Variants in NOL4 observed in about 807,000 individuals in gnomAD.
The protein encoded by NOL4 is cancer/testis antigen 125.
NOL4 carries 17 observed loss-of-function variants against 75.9 expected under a neutral mutation model. The observed-to-expected ratio is 0.22, with a 90% CI of 0.15 to 0.34. The LOEUF (loss-of-function observed/expected upper bound fraction) is 0.34, where lower values mean the gene tolerates loss of function less well. NOL4 is among the 10% of genes least tolerant of loss of function. The pLI is 1.00. For synonymous variants in NOL4, 292 were observed against 289.9 expected, an observed-to-expected ratio of 1.01 and a Z score of -0.07; for missense variants, 614 against 793.5, an observed-to-expected ratio of 0.77 and a Z score of 2.72.
At chr18:34,019,026 A>G (rs927453052) in intron 6 of NOL4, among the ~76,000 whole-genome samples, 2 of 152,146 alleles carry the variant, frequency 1.3e-5, no homozygotes, top group African/African-American at 2.4e-5. Context: ...AGCTCAACAA[A>G]TTCCCAGAGA....
At chr18:34,195,862 G>A (rs561571544) in intron 1 of NOL4, among the ~76,000 whole-genome samples, 4 of 152,216 alleles carry the variant, frequency 2.6e-5, no homozygotes, top group South Asian at 2.1e-4. Context: ...TAGCATTAAT[G>A]TATAGATGGA....
At chr18:33,862,067 C>T (rs1337167741) in intron 10 of NOL4, among the ~76,000 whole-genome samples, 2 of 152,224 alleles carry the variant, frequency 1.3e-5, no homozygotes, top group East Asian at 3.9e-4. Context: ...GGTACCAAAA[C>T]AGAGATATAG....
At chr18:33,938,894 G>A (rs997960282) in intron 9 of NOL4, among the ~76,000 whole-genome samples, 2 of 152,060 alleles carry the variant, frequency 1.3e-5, no homozygotes, top group Non-Finnish European at 1.5e-5. Flanking sequence ...TTCTTCTAGG[G>A]TTTTTATGGT....
chr18:33,969,758 C>CAAAAA (rs5823932), intron 6 of NOL4, among the ~76,000 whole-genome samples: 2 of 140,914 alleles, frequency 1.4e-5, no homozygotes, highest in South Asian at 2.3e-4. Context: ...AGTGCTTGTC[C>CAAAAA]AAAAAAAAAA....
chr18:34,146,173 A>G (rs1005026314), intron 1 of NOL4, among the ~76,000 whole-genome samples: 2 of 151,982 alleles, frequency 1.3e-5, no homozygotes, highest in African/African-American at 4.8e-5. Context: ...TAATTTTCAA[A>G]TTTGAGGTAC....
intron 1 of NOL4, among the ~76,000 whole-genome samples, chr18:34,176,513 T>C (rs1043755603): frequency 2.6e-5 from 4 of 152,040 alleles, no homozygotes; most frequent in African/African-American, 9.7e-5. Context: ...TGGACTGAAT[T>C]GTGTTCCCCT....
chr18:33,969,758 CAA>C (rs5823932), intron 6 of NOL4, among the ~76,000 whole-genome samples: 14 of 140,872 alleles, frequency 9.9e-5, no homozygotes, highest in Admixed American at 1.4e-4. Flanking sequence ...AGTGCTTGTC[CAA>C]AAAAAAAAAA....
chr18:33,857,262 AGTCTGTG>A (rs1232901500), intron 10 of NOL4, among the ~76,000 whole-genome samples: 1 of 152,000 alleles, frequency 6.6e-6, no homozygotes, highest in Non-Finnish European at 1.5e-5. Flanking sequence ...AATATTGCTG[AGTCTGTG>A]GTATGTGCTC....
At position 34,162,402 on chromosome 18, in the gene NOL4, G is replaced by T. The variant is rs2031637348; in HGVS notation, c.265-32382C>A. Among the ~76,000 whole-genome samples, 2 of 151,990 alleles carry T rather than the reference G, an allele frequency of 1.3e-5. 1 individual carries two copies. Among genetic ancestry groups the T allele is most frequent in the South Asian group, 4.2e-4 (2 of 4,800 alleles). On this transcript the variant is annotated intron_variant, in intron 1 of 10. Coordinates refer to ENST00000261592, the MANE Select transcript of NOL4 (RefSeq NM_003787.5). Reference sequence around the variant, plus strand: ...TAGACGCAATAAAAAATGATAAAGGGGATATCACTACCAATCCCACAGAAA... The same window carrying T: ...TAGACGCAATAAAAAATGATAAAGGTGATATCACTACCAATCCCACAGAAA...
intron 5 of NOL4, among the ~76,000 whole-genome samples, chr18:34,071,505 T>C (rs2077518459): frequency 6.6e-6 from 1 of 151,586 alleles, no homozygotes; most frequent in East Asian, 1.9e-4. Context: ...CAGTTTATAA[T>C]GTTTTGACTT....
At chr18:34,140,898 T>G (rs1289224055) in intron 1 of NOL4, among the ~76,000 whole-genome samples, 1 of 152,116 alleles carries the variant, frequency 6.6e-6, no homozygotes, top group Admixed American at 6.6e-5. Context: ...CTCTCAGCAT[T>G]TGCTTGTCTA....
intron 6 of NOL4, among the ~76,000 whole-genome samples, chr18:34,004,789 CCA>C (rs1462911734): frequency 3.3e-5 from 5 of 152,042 alleles, no homozygotes; most frequent in Non-Finnish European, 5.9e-5. Flanking sequence ...TCTTCCCAGA[CCA>C]CCTCAAACTG....
intron 10 of NOL4, among the ~76,000 whole-genome samples, chr18:33,855,362 C>T (rs1375195216): frequency 6.6e-6 from 1 of 151,978 alleles, no homozygotes; most frequent in African/African-American, 2.4e-5. Context: ...ATATCAATTA[C>T]AAGTAAAAAT....
chr18:33,913,998 C>T (rs973000029), intron 9 of NOL4, among the ~76,000 whole-genome samples: 11 of 152,066 alleles, frequency 7.2e-5, no homozygotes, highest in Non-Finnish European at 1.0e-4. Context: ...AAACATAGCA[C>T]GAAGTGCCTT....
At chr18:34,076,255 G>A (rs1385267577) in intron 5 of NOL4, among the ~76,000 whole-genome samples, 1 of 152,150 alleles carries the variant, frequency 6.6e-6, no homozygotes, top group African/African-American at 2.4e-5. Flanking sequence ...ACATGACCTA[G>A]AATGGGCCTC....
At chr18:33,894,351 C>G (rs751918157) in intron 9 of NOL4, among the ~76,000 whole-genome samples, 3 of 151,986 alleles carry the variant, frequency 2.0e-5, no homozygotes, top group African/African-American at 4.8e-5. Flanking sequence ...ATACGCATAC[C>G]CTCACATATA....
intron 5 of NOL4, among the ~76,000 whole-genome samples, chr18:34,042,660 C>T (rs768107157): frequency 3.9e-5 from 6 of 151,962 alleles, no homozygotes; most frequent in Non-Finnish European, 7.4e-5. Context: ...ATTAAGCATC[C>T]GGTGCAGCAA....
intron 4 of NOL4, among the ~76,000 whole-genome samples, chr18:34,101,193 A>G (rs767781383): frequency 1.6e-4 from 24 of 152,212 alleles, no homozygotes; most frequent in Non-Finnish European, 2.2e-4. Context: ...TCATAAGAGG[A>G]CCATTGAAAA....
chr18:34,213,470 A>G (rs1042806994), intron 1 of NOL4, among the ~76,000 whole-genome samples: 4 of 152,016 alleles, frequency 2.6e-5, no homozygotes, highest in Non-Finnish European at 5.9e-5. Flanking sequence ...TTGTATTTTT[A>G]GTAGAGCCGG....
Sources: gnomAD v4.1 joint callset for allele counts (sites outside exome capture counted in the v4.1 genomes callset) on GRCh38, gnomAD v4.1.1 for gene constraint, MANE v1.5 for transcripts, NCBI Gene and HGNC (gene_info 2026-07-23, HGNC 2026-07-21) for gene names.